Variants in SYT14 observed in about 807,000 individuals in gnomAD.
The protein encoded by SYT14 is synaptotagmin 14.
Under a neutral mutation model 74.2 loss-of-function variants are expected in SYT14, and 32 were observed. The observed-to-expected ratio is 0.43, with a 90% CI of 0.33 to 0.58. SYT14 has a LOEUF of 0.58. SYT14 is among the 20% of genes least tolerant of loss of function. The probability of loss-of-function intolerance (pLI) is 0.05; values close to 1 mark genes in which losing one functional copy is unlikely to be tolerated. For synonymous variants in SYT14, 298 were observed against 337.7 expected, an observed-to-expected ratio of 0.88 and a Z score of 1.29; for missense variants, 791 against 981.8, an observed-to-expected ratio of 0.81 and a Z score of 2.60.
At chr1:210,059,427 A>AATATATATATATATATATAT (rs374307953) in intron 5 of SYT14, among the ~76,000 whole-genome samples, 12 of 80,026 alleles carry the variant, frequency 1.5e-4, no homozygotes, top group Admixed American at 2.9e-4. Context: ...GACAAGAAAG[A>AATATATATATATATATATAT]ATATATATAT....
chr1:209,979,146 C>T (rs992873667), intron 2 of SYT14, among the ~76,000 whole-genome samples: 8 of 152,210 alleles, frequency 5.3e-5, no homozygotes, highest in Non-Finnish European at 1.2e-4. Flanking sequence ...TGACCCCTTG[C>T]GCTTCCTGGG....
chr1:210,160,887 G>A (rs760565965), exon 10 of SYT14: 1 of 1,613,874 alleles, frequency 6.2e-7, no homozygotes, highest in East Asian at 2.2e-5. Flanking sequence ...CATACTGTCT[G>A]TGTATAACAA....
At chr1:210,043,108 T>G (rs1177136627) in intron 5 of SYT14, among the ~76,000 whole-genome samples, 2 of 152,202 alleles carry the variant, frequency 1.3e-5, no homozygotes, top group Non-Finnish European at 2.9e-5. Context: ...TTATTCTCTT[T>G]GTAGCAGTTG....
intron 2 of SYT14, among the ~76,000 whole-genome samples, chr1:209,984,819 A>G (rs1223344394): frequency 6.6e-6 from 1 of 152,146 alleles, no homozygotes; most frequent in African/African-American, 2.4e-5. Context: ...GCTGGAAGGG[A>G]AAGTGGGAGC....
chr1:209,961,686 A>G (rs751207801), intron 2 of SYT14, among the ~76,000 whole-genome samples: 1 of 152,154 alleles, frequency 6.6e-6, no homozygotes, highest in Admixed American at 6.5e-5. Flanking sequence ...AGGTAGGGAC[A>G]GTCTTGGAAC....
At position 210,116,010 on chromosome 1, in the gene SYT14, T is replaced by C. The variant is rs185260126; in HGVS notation, c.2034+15549T>C. On this transcript the variant is annotated intron_variant, in intron 7 of 9. Coordinates refer to ENST00000637265, the Ensembl canonical transcript of SYT14. ...GTGGGTAGTGGAAAATTATAGTCAA[T>C]AGGGGTTGTTCTCTGGTGAGCAGGG... 2.3e-4 allele frequency among the ~76,000 whole-genome samples: 34 copies of C among 149,912 alleles called. No individual in the cohort carries two copies. In the East Asian group the frequency reaches 3.5e-3, roughly 15 times the overall value.
At chr1:210,089,980 G>A (rs1379702692) in intron 5 of SYT14, among the ~76,000 whole-genome samples, 2 of 152,200 alleles carry the variant, frequency 1.3e-5, no homozygotes, top group African/African-American at 2.4e-5. Flanking sequence ...CCTATGTAAT[G>A]AAGGACGGGC....
At chr1:209,969,799 C>T (rs1476755800) in intron 2 of SYT14, among the ~76,000 whole-genome samples, 2 of 152,086 alleles carry the variant, frequency 1.3e-5, no homozygotes, top group Non-Finnish European at 2.9e-5. Flanking sequence ...TTCTGATTTT[C>T]ATTTCTCTGA....
intron 5 of SYT14, among the ~76,000 whole-genome samples, chr1:210,068,011 C>G (rs1029607963): frequency 6.6e-6 from 1 of 151,720 alleles, no homozygotes; most frequent in Admixed American, 6.6e-5. Context: ...AGTGAATATG[C>G]CTCTTGTTTC....
intron 5 of SYT14, among the ~76,000 whole-genome samples, chr1:210,048,535 G>A (rs227172): frequency 0.34 from 51,312 of 151,960 alleles, 9,732 homozygotes; most frequent in Non-Finnish European, 0.42. Flanking sequence ...CAAGAACAGC[G>A]CAGGAAAGAT....
chr1:210,005,753 A>G (rs1277952919), intron 2 of SYT14, among the ~76,000 whole-genome samples: 3 of 151,976 alleles, frequency 2.0e-5, no homozygotes, highest in South Asian at 2.1e-4. Flanking sequence ...CCAGAGATTG[A>G]TAGAGTTTTA....
At chr1:210,007,078 A>G (rs2080003052) in intron 2 of SYT14, among the ~76,000 whole-genome samples, 1 of 151,890 alleles carries the variant, frequency 6.6e-6, no homozygotes, top group Non-Finnish European at 1.5e-5. Context: ...ACTTATCTGT[A>G]GAAATTAAAA....
intron 5 of SYT14, among the ~76,000 whole-genome samples, chr1:210,040,061 C>T (rs2080753971): frequency 6.6e-6 from 1 of 152,174 alleles, no homozygotes; most frequent in South Asian, 2.1e-4. Flanking sequence ...TATAAAGACA[C>T]ATGCACACAT....
chr1:210,120,347 T>C (rs1031213692), intron 7 of SYT14, among the ~76,000 whole-genome samples: 3 of 149,370 alleles, frequency 2.0e-5, no homozygotes, highest in African/African-American at 7.6e-5. Context: ...ACCGTAAATT[T>C]TTTTTGGTGT....
At chr1:209,947,384 C>A (rs1311496651) in intron 1 of SYT14, among the ~76,000 whole-genome samples, 1 of 152,058 alleles carries the variant, frequency 6.6e-6, no homozygotes, top group African/African-American at 2.4e-5. Flanking sequence ...TAGAGGAGGC[C>A]AAAATATCAA....
At chr1:210,085,604 T>C (rs1248988307) in intron 5 of SYT14, among the ~76,000 whole-genome samples, 2 of 152,254 alleles carry the variant, frequency 1.3e-5, no homozygotes, top group African/African-American at 4.8e-5. Context: ...TATCAAATGC[T>C]TTTAGTAAGT....
intron 7 of SYT14, among the ~76,000 whole-genome samples, chr1:210,126,550 G>T (rs925505693): frequency 2.0e-5 from 3 of 152,160 alleles, no homozygotes; most frequent in African/African-American, 7.2e-5. Context: ...CAAGTTTAAA[G>T]TATGAACATG....
chr1:210,077,505 G>A (rs1415326273), intron 5 of SYT14, among the ~76,000 whole-genome samples: 1 of 152,164 alleles, frequency 6.6e-6, no homozygotes, highest in Non-Finnish European at 1.5e-5. Context: ...GGTCACTTGG[G>A]TTCTTTCTAC....
intron 7 of SYT14, among the ~76,000 whole-genome samples, chr1:210,126,075 C>T (rs868233064): frequency 1.3e-5 from 2 of 151,946 alleles, no homozygotes; most frequent in African/African-American, 2.4e-5. Flanking sequence ...TGGTGGTGCA[C>T]GCCTGTAATT....
Sources: gnomAD v4.1 joint callset for allele counts (sites outside exome capture counted in the v4.1 genomes callset) on GRCh38, gnomAD v4.1.1 for gene constraint, MANE v1.5 for transcripts, NCBI Gene and HGNC (gene_info 2026-07-23, HGNC 2026-07-21) for gene names.